MRE11: variants seen among roughly 807,000 people sequenced by gnomAD.
The protein encoded by MRE11 is double-strand break repair protein MRE11.
MRE11 carries 62 observed loss-of-function variants against 91.7 expected under a neutral mutation model. The observed-to-expected ratio is 0.68, with a 90% CI of 0.55 to 0.84. The LOEUF is 0.84. Ranked by LOEUF, MRE11 falls within the 40% of genes least tolerant of loss-of-function variation. The pLI is 0.00. For synonymous variants in MRE11, 273 were observed against 271.4 expected, an observed-to-expected ratio of 1.01 and a Z score of -0.06; for missense variants, 796 against 852.9, an observed-to-expected ratio of 0.93 and a Z score of 0.83.
intron 14 of MRE11, among the ~76,000 whole-genome samples, chr11:94,455,490 G>A (rs549302368): frequency 6.6e-6 from 1 of 151,934 alleles, no homozygotes; most frequent in South Asian, 2.1e-4. Context: ...TTAAATACTA[G>A]ATAGCAATCA....
At chr11:94,448,602 C>G (rs1946011196) in intron 14 of MRE11, among the ~76,000 whole-genome samples, 1 of 151,266 alleles carries the variant, frequency 6.6e-6, no homozygotes, top group Non-Finnish European at 1.5e-5. Flanking sequence ...CACAGTGAGA[C>G]CTTGCCTAAA....
At position 94,445,895 on chromosome 11, in the gene MRE11, T is replaced by C. The variant is rs201572020; in HGVS notation, c.1784-2A>G. ...TAGAAGTCTCCAGACCAGTGTCTGC[T>C]GTTAGAAAAATGAACAGTCAATGTA... On this transcript the variant is annotated splice_acceptor_variant, in intron 15 of 19. Coordinates refer to ENST00000323929, the MANE Select transcript of MRE11 (RefSeq NM_005591.4). LOFTEE classifies it high-confidence loss of function. The C allele has an allele frequency of 6.2e-7, 1 of 1,611,954 alleles. No homozygotes were observed. Among genetic ancestry groups the C allele is most frequent in the Non-Finnish European group, 8.5e-7 (1 of 1,177,980 alleles).
rs1472820681 is a variant in MRE11 at position 94,417,723 on chromosome 11, T to C, written c.*2402A>G. ...TCCATCAGTGCTCAATTTATAATTA[T>C]TTATTCAACCATATGACTTTTCTGT... On this transcript the variant is annotated 3_prime_UTR_variant, in exon 20 of 20. Transcript: ENST00000323929. 1 of 232,986 alleles carries C rather than the reference T, an allele frequency of 4.3e-6. No individual in the cohort carries two copies. Among genetic ancestry groups the C allele is most frequent in the African/African-American group, 2.2e-5 (1 of 45,360 alleles). The allele number at this position is 232,986 out of a possible 1,614,324, so 14.4% of individuals were successfully genotyped here.
intron 13 of MRE11, among the ~76,000 whole-genome samples, chr11:94,456,897 G>T (rs2134973801): frequency 6.6e-6 from 1 of 152,254 alleles, no homozygotes; most frequent in Admixed American, 6.5e-5. Flanking sequence ...TTATTATACA[G>T]CTATGTATAT....
At chr11:94,426,434 TAATTTAAATCAAATTAAC>T (rs1565200020) in intron 19 of MRE11, among the ~76,000 whole-genome samples, 4 of 21,034 alleles carry the variant, frequency 1.9e-4, no homozygotes, top group East Asian at 4.9e-3. Flanking sequence ...AACAATTTGT[TAATTTAAATCAAATTAAC>T]AATTTGTTAA....
chr11:94,473,090 G>C (rs545914969), intron 7 of MRE11: 1 of 152,098 alleles, frequency 6.6e-6, no homozygotes, highest in Non-Finnish European at 1.5e-5. Context: ...AAAGTCCTAA[G>C]CAGTAGAAGA....
chr11:94,424,598 T>C (rs562681578), intron 19 of MRE11, among the ~76,000 whole-genome samples: 11 of 152,292 alleles, frequency 7.2e-5, no homozygotes, highest in African/African-American at 2.6e-4. Flanking sequence ...CCCAATCCAA[T>C]GAATCCAGTA....
intron 5 of MRE11, 133 bp downstream of exon 5, chr11:94,479,540 TG>T: frequency 1.4e-6 from 1 of 733,644 alleles, no homozygotes. Flanking sequence ...AAAGCTTGTA[TG>T]AATGTGAAAA....
At chr11:94,509,129 G>A in the MRE11 span, among the ~76,000 whole-genome samples, 1 of 152,032 alleles carries the variant, frequency 6.6e-6, no homozygotes, top group African/African-American at 2.4e-5. Flanking sequence ...ATCTAGTTGA[G>A]GAAAATTAAC....
rs1398359004 is a variant in MRE11, at chr11:94,461,001, G to T, written c.1261C>A (p.Pro421Thr). Reference protein sequence around the residue: ...EINFGKLITKPSEGTTLRVED... With the variant: ...EINFGKLITKTSEGTTLRVED... ...ACCCTTAAAGTTGTTCCTTCTGAAGGCTTTGTGATAAGTTTCCCAAAGTTG... is the reference window on the plus strand; with the variant it reads ...ACCCTTAAAGTTGTTCCTTCTGAAGTCTTTGTGATAAGTTTCCCAAAGTTG... The change falls in exon 12 of 20, where the codon CCT becomes ACT. Residue 421 changes from proline (P) to threonine (T), a missense_variant. By Grantham distance (38) the Pro-to-Thr change is conservative (BLOSUM62 -1). Coordinates refer to ENST00000323929, the MANE Select transcript of MRE11 (RefSeq NM_005591.4). The T allele has an allele frequency of 1.2e-6, 2 of 1,613,446 alleles. No individual in the cohort carries two copies. The highest frequency in any genetic ancestry group is 2.7e-5 in the African/African-American group (2 of 74,902).
chr11:94,439,330 A>G (rs943179232), intron 16 of MRE11, among the ~76,000 whole-genome samples: 6 of 152,216 alleles, frequency 3.9e-5, no homozygotes, highest in African/African-American at 1.4e-4. Flanking sequence ...TCACAAATTT[A>G]TACTTAAAAA....
chr11:94,443,921 T>C (rs10765681), intron 16 of MRE11, among the ~76,000 whole-genome samples: 1 of 100,478 alleles, frequency 1.0e-5, no homozygotes, highest in Non-Finnish European at 2.1e-5. Context: ...TCAACCAATT[T>C]TTTTTTTTTT....
chr11:94,441,647 T>G (rs991924861), intron 16 of MRE11, among the ~76,000 whole-genome samples: 2 of 151,986 alleles, frequency 1.3e-5, no homozygotes, highest in Non-Finnish European at 2.9e-5. Flanking sequence ...TCAGAAAACT[T>G]CTAAAAACTA....
In MRE11 at chr11:94,419,069, TC is replaced by T. The variant is rs1945095818; in HGVS notation, c.*1055del. ...CTAGAAGAAGGAATAATCTCAGGGA[TC>T]TTTTTACAGAGGATTATAAAGAATG... is the stretch of plus-strand genomic sequence containing the variant. On this transcript the variant is annotated 3_prime_UTR_variant, in exon 20 of 20. Coordinates refer to ENST00000323929, the MANE Select transcript of MRE11 (RefSeq NM_005591.4). 1.3e-5 allele frequency: 3 copies of T among 232,052 alleles called. No homozygotes were observed. The Admixed American group carries it at 1.7e-4, about 13-fold the overall frequency. 14.4% of individuals were successfully genotyped at this position (232,052 alleles called of 1,614,324 possible).
chr11:94,462,622 A>C (rs969903784), intron 11 of MRE11, among the ~76,000 whole-genome samples: 2 of 152,120 alleles, frequency 1.3e-5, no homozygotes, highest in Non-Finnish European at 2.9e-5. Flanking sequence ...CAGAAATAAC[A>C]ATGCACATCT....
At chr11:94,454,533 C>G (rs1375881710) in intron 14 of MRE11, among the ~76,000 whole-genome samples, 1 of 152,060 alleles carries the variant, frequency 6.6e-6, no homozygotes, top group East Asian at 1.9e-4. Context: ...ACTCCATTAC[C>G]TAAGTTCTAA....
In MRE11 at chr11:94,464,099, A is replaced by AAGGTAGTTATTTTT; in HGVS notation, c.1225+13_1225+14insAAAAATAACTACCT. 1 of 1,611,852 alleles carries AAGGTAGTTATTTTT rather than the reference A, an allele frequency of 6.2e-7. No homozygotes were observed. Among genetic ancestry groups the AAGGTAGTTATTTTT allele is most frequent in the Non-Finnish European group, 8.5e-7 (1 of 1,179,204 alleles). ...TAAGAACATTTTTTTACCTCATAAA[A>AAGGTAGTTATTTTT]ATAACTAGCTTACCTGTTTTTTCCT... On this transcript the variant is annotated intron_variant, in intron 11 of 19. Transcript: ENST00000323929.
chr11:94,470,202 A>G (rs1946668954), intron 9 of MRE11, among the ~76,000 whole-genome samples: 2 of 152,218 alleles, frequency 1.3e-5, no homozygotes, highest in Middle Eastern at 3.4e-3. Context: ...AAAAGGAGAA[A>G]AGATTATGTA....
At chr11:94,448,956 T>C (rs947577104) in intron 14 of MRE11, among the ~76,000 whole-genome samples, 30 of 151,992 alleles carry the variant, frequency 2.0e-4, no homozygotes, top group African/African-American at 7.0e-4. Flanking sequence ...TTAATGAATA[T>C]GATAAATATT....
Sources: gnomAD v4.1 joint callset for allele counts (sites outside exome capture counted in the v4.1 genomes callset) on GRCh38, gnomAD v4.1.1 for gene constraint, MANE v1.5 for transcripts, NCBI Gene and HGNC (gene_info 2026-07-23, HGNC 2026-07-21) for gene names.